The following NFIB variants were observed in gnomAD, a reference collection of about 807,000 sequenced individuals.
NFIB encodes the protein nuclear factor 1 B-type.
In NFIB, 11 loss-of-function variants were observed where a neutral mutation model predicts 61.5. The observed-to-expected ratio is 0.18, with a 90% CI of 0.11 to 0.30. NFIB has a LOEUF of 0.30. NFIB is among the 10% of genes least tolerant of loss of function. The pLI is 1.00. For missense variants in NFIB, 471 were observed against 608.9 expected, an observed-to-expected ratio of 0.77 and a Z score of 2.38; for synonymous variants, 260 against 216.5, an observed-to-expected ratio of 1.20 and a Z score of -1.76.
intron 2 of NFIB, among the ~76,000 whole-genome samples, chr9:14,284,754 C>A (rs146199701): frequency 1.3e-5 from 2 of 152,260 alleles, no homozygotes; most frequent in Admixed American, 6.5e-5. Context: ...AAAATTTATT[C>A]TAAGACTTCT....
At chr9:14,190,038 A>T (rs1031860614) in intron 2 of NFIB, among the ~76,000 whole-genome samples, 4 of 152,080 alleles carry the variant, frequency 2.6e-5, no homozygotes, top group Non-Finnish European at 4.4e-5. Context: ...TTTCATAGGC[A>T]TATGTTCCTA....
At chr9:14,352,105 G>A (rs906434881) in intron 1 of NFIB, among the ~76,000 whole-genome samples, 2 of 152,026 alleles carry the variant, frequency 1.3e-5, no homozygotes, top group African/African-American at 4.8e-5. Context: ...TTGCAGCAAC[G>A]CTAAAGAGCA....
At chr9:14,192,336 G>C (rs2048034945) in intron 2 of NFIB, among the ~76,000 whole-genome samples, 1 of 152,198 alleles carries the variant, frequency 6.6e-6, no homozygotes, top group Non-Finnish European at 1.5e-5. Flanking sequence ...AGAAAAACTG[G>C]TGTGATAAAG....
the NFIB span, among the ~76,000 whole-genome samples, chr9:14,479,386 G>A: frequency 2.0e-5 from 3 of 152,166 alleles, no homozygotes; most frequent in Non-Finnish European, 4.4e-5. Context: ...ACAGCTGTGG[G>A]TTTCACAGAG....
intron 3 of NFIB, among the ~76,000 whole-genome samples, chr9:14,172,874 A>C (rs559436984): frequency 1.5e-4 from 23 of 152,022 alleles, no homozygotes; most frequent in Non-Finnish European, 3.4e-4. Flanking sequence ...GGTTCAAGCG[A>C]TTCTCCTGCC....
chr9:14,353,870 T>G lies in NFIB; in HGVS notation c.108+44654A>C, dbSNP rs2061144040. ...GGTTTTGTCTTTTTTTTTTTTTTTT[T>G]TTGCATGCAATTGAGGCTGACAGGA... On this transcript the variant is annotated intron_variant, in intron 1 of 8. Transcript: ENST00000380934. Among the ~76,000 whole-genome samples the G allele has an allele frequency of 4.6e-5, 7 of 150,682 alleles. No individual in the cohort carries two copies. In the South Asian group the frequency reaches 1.5e-3, roughly 32 times the overall value.
chr9:14,454,400 GA>G, the NFIB span, among the ~76,000 whole-genome samples: 1 of 152,186 alleles, frequency 6.6e-6, no homozygotes, highest in Admixed American at 6.5e-5. Flanking sequence ...CAAAATGTTT[GA>G]ATGACATCAA....
chr9:14,486,474 G>A, the NFIB span, among the ~76,000 whole-genome samples: 43 of 152,270 alleles, frequency 2.8e-4, no homozygotes, highest in African/African-American at 1.0e-3. Context: ...GAAGTAAGGA[G>A]GAAAATATGC....
intron 2 of NFIB, among the ~76,000 whole-genome samples, chr9:14,238,495 C>T (rs1191849542): frequency 6.6e-6 from 1 of 152,184 alleles, no homozygotes; most frequent in East Asian, 1.9e-4. Context: ...CAGAAGGGTG[C>T]ATGCGCTGAA....
chr9:14,124,964 T>C (rs1171323314), intron 7 of NFIB, among the ~76,000 whole-genome samples: 4 of 152,210 alleles, frequency 2.6e-5, no homozygotes, highest in Non-Finnish European at 5.9e-5. Flanking sequence ...TTAATGCCTT[T>C]AGAAACACTC....
the NFIB span, among the ~76,000 whole-genome samples, chr9:14,475,091 A>C: frequency 6.6e-6 from 1 of 152,224 alleles, no homozygotes; most frequent in Non-Finnish European, 1.5e-5. Context: ...TCTGGGTATC[A>C]CTTAGCTTAG....
At chr9:14,431,273 G>T in the NFIB span, among the ~76,000 whole-genome samples, 1 of 152,088 alleles carries the variant, frequency 6.6e-6, no homozygotes, top group African/African-American at 2.4e-5. Context: ...AGTGAACCAG[G>T]ACTGCAAACT....
At chr9:14,398,730 C>A in exon 1 of NFIB, 1 of 770,756 alleles carries the variant, frequency 1.3e-6, no homozygotes, top group Non-Finnish European at 2.0e-6. Flanking sequence ...CCTTAGCAAA[C>A]GCAGCTTCAT....
chr9:14,500,763 T>C, the NFIB span, among the ~76,000 whole-genome samples: 2 of 152,148 alleles, frequency 1.3e-5, no homozygotes, highest in African/African-American at 2.4e-5. Flanking sequence ...GGGAGGAGAA[T>C]ATTCGTCTTT....
At chr9:14,436,688 C>A in the NFIB span, among the ~76,000 whole-genome samples, 3 of 152,202 alleles carry the variant, frequency 2.0e-5, no homozygotes, top group Non-Finnish European at 2.9e-5. Flanking sequence ...TCTTGGCAAC[C>A]TACCACCTGA....
Position 14,354,737 on chromosome 9 carries a change from T to C in NFIB, c.108+43787A>G, listed in dbSNP as rs559661059. The stretch of plus-strand genomic sequence containing the variant: ...GTTATACCTCATGGCAATTTTTTCC[T>C]TCAGCATTGCATTTAAATGGTTATC... On this transcript the variant is annotated intron_variant, in intron 1 of 8. Transcript: ENST00000380934. Among the ~76,000 whole-genome samples the C allele has an allele frequency of 4.6e-5, 7 of 152,224 alleles. No individual in the cohort carries two copies. The South Asian group carries it at 1.5e-3, about 32-fold the overall frequency.
Position 14,138,193 on chromosome 9 carries a change from T to C in NFIB, c.925+8496A>G, listed in dbSNP as rs140291681. 3.6e-4 allele frequency among the ~76,000 whole-genome samples: 54 copies of C among 152,076 alleles called. 1 individual carries two copies. The East Asian group carries it at 8.5e-3, about 24-fold the overall frequency. On this transcript the variant is annotated intron_variant, in intron 6 of 10. Coordinates refer to ENST00000380953, the MANE Select transcript of NFIB (RefSeq NM_001190737.2). ...GTTTCTGTCAGGTTTAAAAGAAAAATAGATATAAACTTAGCCAAGCACCTG... is the reference window on the plus strand; with the variant it reads ...GTTTCTGTCAGGTTTAAAAGAAAAACAGATATAAACTTAGCCAAGCACCTG...
chr9:14,402,851 T>TA (rs932370201), upstream of NFIB, among the ~76,000 whole-genome samples: 1 of 152,200 alleles, frequency 6.6e-6, no homozygotes, highest in African/African-American at 2.4e-5. Context: ...CTCAGAAATT[T>TA]AAAAAATAAT....
At chr9:14,164,135 A>C (rs993956861) in intron 3 of NFIB, among the ~76,000 whole-genome samples, 2 of 152,056 alleles carry the variant, frequency 1.3e-5, no homozygotes, top group Non-Finnish European at 2.9e-5. Flanking sequence ...ATTTAAAAAA[A>C]TAAATAAAAC....
Sources: allele counts gnomAD v4.1 joint callset (sites outside exome capture counted in the v4.1 genomes callset), GRCh38; gene constraint gnomAD v4.1.1; transcripts MANE v1.5; gene names NCBI Gene and HGNC (gene_info 2026-07-23, HGNC 2026-07-21).